Variants in PRPF3 observed in about 807,000 individuals in gnomAD.
PRPF3 encodes the protein pre-mRNA processing factor 3.
A neutral mutation model predicts 89.2 loss-of-function variants in PRPF3; 3 were observed. The ratio of observed to expected loss-of-function variants is 0.03; its 90% CI spans 0.02 to 0.09. PRPF3 has a LOEUF of 0.09. Ranked by LOEUF, PRPF3 falls within the 10% of genes least tolerant of loss-of-function variation. The pLI, the probability that PRPF3 is intolerant of heterozygous loss-of-function variation, is 1.00. For synonymous variants in PRPF3, 270 were observed against 289.1 expected, an observed-to-expected ratio of 0.93 and a Z score of 0.67; for missense variants, 463 against 828.8, an observed-to-expected ratio of 0.56 and a Z score of 5.42.
intron 8 of PRPF3, 109 bp from the exon 9 acceptor site, chr1:150,340,289 C>T (rs1553869922): frequency 1.6e-5 from 12 of 773,690 alleles, no homozygotes; most frequent in Non-Finnish European, 4.5e-6. Flanking sequence ...GTATATCAAG[C>T]ACAAGAACCC....
chr1:150,339,990 G>C (rs1553869833), intron 8 of PRPF3, among the ~76,000 whole-genome samples: 1 of 152,110 alleles, frequency 6.6e-6, no homozygotes, highest in Non-Finnish European at 1.5e-5. Flanking sequence ...CCAAAGTGCT[G>C]GGATTATAGG....
chr1:150,340,250 A>G, intron 8 of PRPF3, 148 bp from the exon 9 acceptor site: 1 of 661,778 alleles, frequency 1.5e-6, no homozygotes, highest in Non-Finnish European at 2.7e-6. Flanking sequence ...ATTTAACTAT[A>G]TATTTTAGGT....
chr1:150,334,834 G>A, intron 6 of PRPF3, 101 bp from the exon 7 acceptor site: 1 of 1,417,620 alleles, frequency 7.1e-7, no homozygotes, highest in South Asian at 1.2e-5. Context: ...CTCCCAAAAT[G>A]CTGTGGTTCC....
intron 7 of PRPF3, among the ~76,000 whole-genome samples, chr1:150,336,464 CT>C (rs1363344731): frequency 6.6e-6 from 1 of 151,982 alleles, no homozygotes. Context: ...GCAATGAATA[CT>C]TTGAAAAATG....
chr1:150,350,580 A>G (rs1485662230), intron 15 of PRPF3, among the ~76,000 whole-genome samples: 2 of 152,208 alleles, frequency 1.3e-5, no homozygotes, highest in African/African-American at 2.4e-5. Context: ...ATTTCTATTA[A>G]TGAATTCTTT....
At chr1:150,335,763 C>CTTTTT (rs34699046) in intron 7 of PRPF3, among the ~76,000 whole-genome samples, 1 of 142,406 alleles carries the variant, frequency 7.0e-6, no homozygotes, top group Non-Finnish European at 1.5e-5. Flanking sequence ...CCGCCCCCGC[C>CTTTTT]TTTTTTTTTT....
At chr1:150,347,047 G>A (rs945473947) in intron 14 of PRPF3, among the ~76,000 whole-genome samples, 9 of 152,000 alleles carry the variant, frequency 5.9e-5, no homozygotes, top group African/African-American at 2.2e-4. Context: ...AGCTGTGATC[G>A]TGCCACTGCA....
intron 6 of PRPF3, among the ~76,000 whole-genome samples, chr1:150,333,643 T>G (rs2101973530): frequency 6.6e-6 from 1 of 152,334 alleles, no homozygotes; most frequent in Admixed American, 6.5e-5. Context: ...TTCTTAGGTG[T>G]GATTGATTAA....
intron 7 of PRPF3, among the ~76,000 whole-genome samples, chr1:150,336,284 T>C (rs1379255560): frequency 1.3e-5 from 2 of 152,018 alleles, no homozygotes; most frequent in African/African-American, 4.8e-5. Flanking sequence ...CGCGCTCCTC[T>C]GAGAATCTCA....
intron 15 of PRPF3, among the ~76,000 whole-genome samples, chr1:150,349,882 T>TGGGGGCG (rs1560122189): frequency 2.1e-5 from 2 of 97,544 alleles, no homozygotes; most frequent in African/African-American, 4.2e-5. Context: ...TATCTTTTTT[T>TGGGGGCG]GGGGGCGGGG....
At chr1:150,336,584 C>T (rs907248918) in intron 7 of PRPF3, among the ~76,000 whole-genome samples, 14 of 151,944 alleles carry the variant, frequency 9.2e-5, no homozygotes, top group Admixed American at 2.6e-4. Context: ...GGTGAAACCC[C>T]GTCTCTACTA....
At chr1:150,324,697 A>C (rs1655506589) in intron 1 of PRPF3, among the ~76,000 whole-genome samples, 198 bp from the exon 2 acceptor site, 1 of 151,914 alleles carries the variant, frequency 6.6e-6, no homozygotes, top group South Asian at 2.1e-4. Flanking sequence ...GGCACATGCC[A>C]CCACGCCCAG....
At chr1:150,349,490 T>C (rs1658668681) in intron 15 of PRPF3, among the ~76,000 whole-genome samples, 1 of 152,200 alleles carries the variant, frequency 6.6e-6, no homozygotes, top group Admixed American at 6.5e-5. Flanking sequence ...CCGAAAATTA[T>C]TTATTTCACA....
At chr1:150,336,476 T>C (rs1657013128) in intron 7 of PRPF3, among the ~76,000 whole-genome samples, 1 of 152,064 alleles carries the variant, frequency 6.6e-6, no homozygotes, top group Non-Finnish European at 1.5e-5. Context: ...TTGAAAAATG[T>C]GCTGGACAAG....
rs1553874725 is a variant in PRPF3 at position 150,352,894 on chromosome 1, T to A, written c.1967T>A (p.Met656Lys). Residue 656 changes from methionine (M) to lysine (K), a missense_variant, in exon 16 of 16, where the codon ATG becomes AAG. Physicochemically the swap from Met to Lys is moderately conservative, Grantham distance 95 (BLOSUM62 -1). Transcript: ENST00000324862. ...MKFKQCPTEN[M>K]AREHFKKHGA... ...TTTAAACAGTGTCCTACAGAGAACA[T>A]GGCTCGTGAGCATTTCAAAAAGCAT... 1 of 1,614,072 alleles carries A rather than the reference T, an allele frequency of 6.2e-7. No homozygotes were observed. Among genetic ancestry groups the A allele is most frequent in the African/African-American group, 1.3e-5 (1 of 74,940 alleles).
At chr1:150,332,108 C>T (rs1364595199) in intron 4 of PRPF3, among the ~76,000 whole-genome samples, 1 of 151,604 alleles carries the variant, frequency 6.6e-6, no homozygotes, top group East Asian at 1.9e-4. Flanking sequence ...CCTATAGTCC[C>T]AGCTACTCGG....
chr1:150,350,353 C>T (rs1439543670), intron 15 of PRPF3, among the ~76,000 whole-genome samples: 1 of 151,982 alleles, frequency 6.6e-6, no homozygotes, highest in Non-Finnish European at 1.5e-5. Flanking sequence ...AGGCATGAGC[C>T]ACCACGCCTG....
rs934238378 is a variant in PRPF3, at chr1:150,345,628, C to T, written c.1641-390C>T. On this transcript the variant is annotated intron_variant, in intron 12 of 15. Coordinates refer to ENST00000324862, the MANE Select transcript of PRPF3 (RefSeq NM_004698.4). ...CCTCCCAAAGTGCTGGGATTACAGG[C>T]ATGAGCCACCGCACCCAGCCAAGTA... 1.4e-5 allele frequency: 4 copies of T among 283,476 alleles called. No individual in the cohort carries two copies. The East Asian group carries it at 2.9e-4, about 21-fold the overall frequency. The allele number at this position is 283,476 out of a possible 1,614,324, so 17.6% of individuals were successfully genotyped here.
At chr1:150,337,552 C>T (rs944010179) in intron 7 of PRPF3, among the ~76,000 whole-genome samples, 2 of 151,506 alleles carry the variant, frequency 1.3e-5, no homozygotes, top group Non-Finnish European at 2.9e-5. Flanking sequence ...CCGAGGTGGG[C>T]GAATCACTAG....
Sources: allele counts gnomAD v4.1 joint callset (sites outside exome capture counted in the v4.1 genomes callset), GRCh38; gene constraint gnomAD v4.1.1; transcripts MANE v1.5; gene names NCBI Gene and HGNC (gene_info 2026-07-23, HGNC 2026-07-21).